The following NDUFAF7 variants were observed in gnomAD, a reference collection of about 807,000 sequenced individuals.
NDUFAF7 encodes the protein NADH:ubiquinone oxidoreductase complex assembly factor 7, also known as protein arginine methyltransferase NDUFAF7, mitochondrial.
A neutral mutation model predicts 47.2 loss-of-function variants in NDUFAF7; 48 were observed. The observed-to-expected ratio is 1.02, with a 90% CI of 0.81 to 1.29. The LOEUF (loss-of-function observed/expected upper bound fraction) is 1.29. NDUFAF7 is among the 50% of genes most tolerant of loss of function. NDUFAF7 has a pLI of 0.00. For missense variants in NDUFAF7, 635 were observed against 537.6 expected (o/e 1.18, Z -1.79); for synonymous variants, 217 against 190.0 (o/e 1.14, Z -1.17).
intron 3 of NDUFAF7, 52 bp from the exon 4 acceptor site, chr2:37,237,704 AC>A (rs1665938367): frequency 7.6e-7 from 1 of 1,321,044 alleles, no homozygotes; most frequent in Non-Finnish European, 1.1e-6. Flanking sequence ...ATTGTGGTAT[AC>A]TTTTATACTT....
intron 4 of NDUFAF7, among the ~76,000 whole-genome samples, 155 bp from the exon 5 acceptor site, chr2:37,241,423 A>G (rs1666318295): frequency 6.6e-6 from 1 of 152,158 alleles, no homozygotes; most frequent in Non-Finnish European, 1.5e-5. Context: ...GTAGGTTAGG[A>G]TTCTTATAGA....
intron 3 of NDUFAF7, among the ~76,000 whole-genome samples, chr2:37,236,507 T>G (rs1484807459): frequency 6.6e-6 from 1 of 151,990 alleles, no homozygotes. Context: ...CCAGGCGTAG[T>G]GGCTCACACC....
chr2:37,268,963 A>C, the NDUFAF7 span: 1 of 153,382 alleles, frequency 6.5e-6, no homozygotes, highest in Non-Finnish European at 1.5e-5. Flanking sequence ...TATGAAAAGA[A>C]GGTAAGAATG....
chr2:37,263,712 G>A, the NDUFAF7 span, among the ~76,000 whole-genome samples: 1 of 152,160 alleles, frequency 6.6e-6, no homozygotes, highest in East Asian at 1.9e-4. Context: ...GAGGACATAA[G>A]GGCTGCAGAT....
At chr2:37,233,157 T>C (rs1452253966) in intron 2 of NDUFAF7, among the ~76,000 whole-genome samples, 1 of 152,212 alleles carries the variant, frequency 6.6e-6, no homozygotes, top group African/African-American at 2.4e-5. Flanking sequence ...CAAGGCTGAT[T>C]CGTACTTTTA....
chr2:37,263,617 A>C, the NDUFAF7 span, among the ~76,000 whole-genome samples: 2 of 151,954 alleles, frequency 1.3e-5, no homozygotes, highest in Non-Finnish European at 2.9e-5. Flanking sequence ...GCCTTCTTTC[A>C]TTTCATTTAA....
At chr2:37,235,914 T>C (rs1348811309) in intron 2 of NDUFAF7, among the ~76,000 whole-genome samples, 182 bp from the exon 3 acceptor site, 4 of 152,116 alleles carry the variant, frequency 2.6e-5, no homozygotes, top group Non-Finnish European at 5.9e-5. Flanking sequence ...CGTCTCGGCC[T>C]CCCAAAGTGC....
intron 6 of NDUFAF7, 113 bp downstream of exon 6, chr2:37,242,806 A>G: frequency 1.2e-6 from 1 of 808,044 alleles, no homozygotes; most frequent in East Asian, 2.8e-5. Context: ...GTTATTTTTA[A>G]CTATTATTTG....
chr2:37,256,217 G>A (rs550319693), downstream of NDUFAF7, among the ~76,000 whole-genome samples: 3 of 152,296 alleles, frequency 2.0e-5, no homozygotes, highest in East Asian at 1.9e-4. Context: ...CTAGGTTTGT[G>A]TAGGGAGTAG....
chr2:37,237,222 A>T (rs1398670509), intron 3 of NDUFAF7, among the ~76,000 whole-genome samples: 1 of 152,200 alleles, frequency 6.6e-6, no homozygotes, highest in Non-Finnish European at 1.5e-5. Flanking sequence ...CACCCGCCTC[A>T]GCCTCCCAAA....
downstream of NDUFAF7, among the ~76,000 whole-genome samples, chr2:37,257,571 C>T (rs1229978266): frequency 6.9e-6 from 1 of 145,662 alleles, no homozygotes; most frequent in African/African-American, 2.5e-5. Flanking sequence ...GAGGCTGAAG[C>T]AGGAGAATGG....
At chr2:37,265,060 G>C in the NDUFAF7 span, among the ~76,000 whole-genome samples, 2 of 152,188 alleles carry the variant, frequency 1.3e-5, no homozygotes, top group Non-Finnish European at 2.9e-5. Context: ...GCATGGGAAA[G>C]AAAAGCTATG....
intron 4 of NDUFAF7, 107 bp from the exon 5 acceptor site, chr2:37,241,471 T>G: frequency 1.0e-6 from 1 of 964,608 alleles, no homozygotes; most frequent in Non-Finnish European, 1.6e-6. Context: ...CACATCTCTC[T>G]GAAATATTAC....
chr2:37,244,552 T>A (rs1666712373), intron 7 of NDUFAF7, among the ~76,000 whole-genome samples: 2 of 147,256 alleles, frequency 1.4e-5, no homozygotes, highest in Non-Finnish European at 3.0e-5. Flanking sequence ...GCCTGTCTAT[T>A]GTGGCTTGTT....
intron 7 of NDUFAF7, 90 bp downstream of exon 7, chr2:37,244,063 C>T (rs2148429330): frequency 1.8e-6 from 2 of 1,138,504 alleles, no homozygotes; most frequent in African/African-American, 1.6e-5. Flanking sequence ...TTTTAGAGTT[C>T]CTTTACAGGA....
downstream of NDUFAF7, among the ~76,000 whole-genome samples, chr2:37,254,995 A>C (rs1461476910): frequency 6.6e-6 from 1 of 152,240 alleles, no homozygotes. Context: ...ATAATGGTAC[A>C]TTTGAAATAT....
Position 37,247,457 on chromosome 2 carries a change from G to C in NDUFAF7, c.938G>C (p.Gly313Ala), listed in dbSNP as rs557350163. The C allele has an allele frequency of 1.2e-6, 2 of 1,613,816 alleles. No individual in the cohort carries two copies. The highest frequency in any genetic ancestry group is 2.7e-5 in the African/African-American group (2 of 74,968). The change falls in exon 9 of 10, where the codon GGG becomes GCG. Residue 313 changes from glycine (G) to alanine (A), a missense_variant and splice_region_variant. Transcript: ENST00000002125. Reference protein sequence around the residue: ...HDGTKTDTFRGFCDHKLHDVL... With the variant: ...HDGTKTDTFRAFCDHKLHDVL... ...AAATCTGATTTCTTTATGTTCAAGG[G>C]GTTTTGCGACCACAAGCTTCATGAT... is the stretch of plus-strand genomic sequence containing the variant.
the NDUFAF7 span, chr2:37,268,201 A>G: frequency 2.4e-6 from 1 of 411,804 alleles, no homozygotes; most frequent in Non-Finnish European, 4.9e-6. Context: ...CTACATAGCT[A>G]TTTATTTTAG....
chr2:37,260,495 TAAAC>T, the NDUFAF7 span: 7 of 973,458 alleles, frequency 7.2e-6, no homozygotes, highest in Admixed American at 2.7e-5. Context: ...CCTAGAGAAG[TAAAC>T]AAAGCAAACA....
Sources: gnomAD v4.1 joint callset for allele counts (sites outside exome capture counted in the v4.1 genomes callset) on GRCh38, gnomAD v4.1.1 for gene constraint, MANE v1.5 for transcripts, NCBI Gene and HGNC (gene_info 2026-07-23, HGNC 2026-07-21) for gene names.